The following L3MBTL4 variants were observed in gnomAD, a reference collection of about 807,000 sequenced individuals.
L3MBTL4 encodes the protein L3MBTL histone methyl-lysine binding protein 4, also known as lethal(3)malignant brain tumor-like protein 4.
A neutral mutation model predicts 84.5 loss-of-function variants in L3MBTL4; 70 were observed. The observed-to-expected ratio is 0.83, with a 90% confidence interval of 0.68 to 1.01. The LOEUF is 1.01. L3MBTL4 is among the 50% of genes least tolerant of loss of function. The pLI, the probability that L3MBTL4 is intolerant of heterozygous loss-of-function variation, is 0.00. For synonymous variants in L3MBTL4, 274 were observed against 259.8 expected (o/e 1.05, Z -0.52); for missense variants, 715 against 754.8 (o/e 0.95, Z 0.62).
intron 1 of L3MBTL4, among the ~76,000 whole-genome samples, chr18:6,387,410 G>A (rs9951124): frequency 0.025 from 3,829 of 152,144 alleles, 76 homozygotes; most frequent in Middle Eastern, 0.1. Flanking sequence ...ATATTTACTA[G>A]TTCTATTTAT....
intron 14 of L3MBTL4, among the ~76,000 whole-genome samples, chr18:6,112,033 C>G (rs1210573455): frequency 6.6e-6 from 1 of 152,116 alleles, no homozygotes; most frequent in Non-Finnish European, 1.5e-5. Flanking sequence ...ATGAGTTCAG[C>G]GTTTTTAGAT....
chr18:6,284,885 C>T (rs1460296346), intron 4 of L3MBTL4, among the ~76,000 whole-genome samples: 2 of 152,172 alleles, frequency 1.3e-5, no homozygotes, highest in African/African-American at 4.8e-5. Flanking sequence ...CGTGGGCAGT[C>T]GGAGCCCGGA....
At chr18:6,071,740 G>T (rs796312747) in intron 16 of L3MBTL4, among the ~76,000 whole-genome samples, 1 of 40,670 alleles carries the variant, frequency 2.5e-5, no homozygotes, top group African/African-American at 7.7e-5. Flanking sequence ...AAAGAAAGAA[G>T]GAAGGAAAGA....
intron 4 of L3MBTL4, among the ~76,000 whole-genome samples, chr18:6,274,232 G>A (rs2048990206): frequency 6.6e-6 from 1 of 152,222 alleles, no homozygotes; most frequent in African/African-American, 2.4e-5. Flanking sequence ...AAATTTGGGA[G>A]CATCAGTGAA....
intron 1 of L3MBTL4, among the ~76,000 whole-genome samples, chr18:6,352,175 A>G (rs922467154): frequency 2.6e-5 from 4 of 152,200 alleles, no homozygotes; most frequent in African/African-American, 9.7e-5. Context: ...ATTCTCTGCC[A>G]AATCTTTTAA....
Position 6,039,732 on chromosome 18 carries a change from C to T in L3MBTL4, c.1444+41149G>A, listed in dbSNP as rs183270033. Among the ~76,000 whole-genome samples, 49 of 152,304 alleles carry T rather than the reference C, an allele frequency of 3.2e-4. 1 individual carries two copies. The highest frequency in any genetic ancestry group is 1.5e-3 in the East Asian group (8 of 5,180). On this transcript the variant is annotated intron_variant, in intron 16 of 18. Coordinates refer to ENST00000317931, the MANE Select transcript of L3MBTL4 (RefSeq NM_001330559.2). ...AGTCCCTTCATGCTGGGTAAGCTTCCGCCTTTCTAGAAAAGGGTCAAGTGT... is the reference window on the plus strand; with the variant it reads ...AGTCCCTTCATGCTGGGTAAGCTTCTGCCTTTCTAGAAAAGGGTCAAGTGT...
chr18:6,127,608 T>TAAATGAATA (rs2059737094), intron 14 of L3MBTL4, among the ~76,000 whole-genome samples: 1 of 152,222 alleles, frequency 6.6e-6, no homozygotes, highest in South Asian at 2.1e-4. Flanking sequence ...AAAATAGCAA[T>TAAATGAATA]AAATGAATAA....
At chr18:6,334,569 C>T (rs1466591444) in intron 1 of L3MBTL4, among the ~76,000 whole-genome samples, 1 of 152,026 alleles carries the variant, frequency 6.6e-6, no homozygotes, top group Non-Finnish European at 1.5e-5. Context: ...ACATACATTC[C>T]TCATGATTAA....
At chr18:6,185,230 G>C (rs2044666670) in intron 12 of L3MBTL4, among the ~76,000 whole-genome samples, 1 of 152,200 alleles carries the variant, frequency 6.6e-6, no homozygotes, top group Admixed American at 6.5e-5. Flanking sequence ...GGAAGGCGGA[G>C]CCAGGGCCAT....
At chr18:6,005,317 G>C in intron 16 of L3MBTL4, among the ~76,000 whole-genome samples, 1 of 146,032 alleles carries the variant, frequency 6.8e-6, no homozygotes, top group Admixed American at 6.9e-5. Context: ...CTGTACTCCA[G>C]CCTGGGCGAC....
chr18:6,030,926 C>CAAT, intron 16 of L3MBTL4: 4 of 985,020 alleles, frequency 4.1e-6, no homozygotes, highest in Non-Finnish European at 4.8e-6. Flanking sequence ...TTTATAAATA[C>CAAT]AATAAGTTTA....
At chr18:5,976,205 A>G (rs1175605997) in intron 16 of L3MBTL4, among the ~76,000 whole-genome samples, 1 of 152,258 alleles carries the variant, frequency 6.6e-6, no homozygotes, top group African/African-American at 2.4e-5. Context: ...ATCACTTAGT[A>G]GAAAAAGCAG....
At chr18:6,278,398 A>G (rs1286121063) in intron 4 of L3MBTL4, among the ~76,000 whole-genome samples, 1 of 152,046 alleles carries the variant, frequency 6.6e-6, no homozygotes. Flanking sequence ...ATAAAATTGA[A>G]CCCTGTGTTA....
At chr18:6,163,304 TGTGGGTGG>T (rs58367991) in intron 13 of L3MBTL4, among the ~76,000 whole-genome samples, 1,225 of 102,138 alleles carry the variant, frequency 0.012, 42 homozygotes, top group Admixed American at 0.067. Context: ...TGTGTGTGTG[TGTGGGTGG>T]GTGTGTATTT....
At chr18:6,112,254 T>C (rs988484417) in intron 14 of L3MBTL4, among the ~76,000 whole-genome samples, 23 of 152,222 alleles carry the variant, frequency 1.5e-4, no homozygotes, top group African/African-American at 4.8e-4. Flanking sequence ...TCTAAAATTA[T>C]AGACTTTTAA....
In L3MBTL4 at chr18:6,243,295, C is replaced by G. The variant is rs377614549; in HGVS notation, c.459G>C (p.Lys153Asn). ...GTTGGTAAATGTATCCTGGCTTACC[C>G]TTAGGGATGTGCAGTTCATGTTTGG... ...EKTKHELHIP[K>N]GYRKDKFVWM... Residue 153 changes from lysine (K) to asparagine (N), a missense_variant and splice_region_variant, in exon 7 of 19, where the codon AAG becomes AAC. Lys to Asn is a moderately conservative substitution (Grantham distance 94, BLOSUM62 0). Coordinates refer to ENST00000317931, the MANE Select transcript of L3MBTL4 (RefSeq NM_001330559.2). The G allele has an allele frequency of 1.0e-4, 162 of 1,578,734 alleles. No homozygotes were observed. The highest frequency in any genetic ancestry group is 3.3e-5 in the Non-Finnish European group (39 of 1,164,418).
chr18:5,982,703 A>G lies in L3MBTL4; in HGVS notation c.1445-13141T>C, dbSNP rs2053289885. Among the ~76,000 whole-genome samples, 4 of 152,234 alleles carry G rather than the reference A, an allele frequency of 2.6e-5. No individual in the cohort carries two copies. The South Asian group carries it at 8.3e-4, about 32-fold the overall frequency. On this transcript the variant is annotated intron_variant, in intron 16 of 18. Coordinates refer to ENST00000317931, the MANE Select transcript of L3MBTL4 (RefSeq NM_001330559.2). ...AGCTGGCAAAAATGACATCTATCTC[A>G]TTGCTATTTTAAAAAAGTCCAGAGA... is the stretch of plus-strand genomic sequence containing the variant.
chr18:6,309,237 C>T (rs1253090727), intron 3 of L3MBTL4, among the ~76,000 whole-genome samples: 1 of 152,170 alleles, frequency 6.6e-6, no homozygotes, highest in Non-Finnish European at 1.5e-5. Context: ...TGACTCAACC[C>T]TTCTTTCCAC....
chr18:6,390,242 A>G (rs993468341), intron 1 of L3MBTL4, among the ~76,000 whole-genome samples: 2 of 152,168 alleles, frequency 1.3e-5, no homozygotes, highest in Non-Finnish European at 2.9e-5. Context: ...TTTCTGAGTT[A>G]ACAATAAAAT....
Sources: gnomAD v4.1 joint callset for allele counts (sites outside exome capture counted in the v4.1 genomes callset) on GRCh38, gnomAD v4.1.1 for gene constraint, MANE v1.5 for transcripts, NCBI Gene and HGNC (gene_info 2026-07-23, HGNC 2026-07-21) for gene names.